NFIB: variants seen among roughly 807,000 people sequenced by gnomAD.
The protein encoded by NFIB is nuclear factor I B, also known as nuclear factor 1 B-type.
A neutral mutation model predicts 61.5 loss-of-function variants in NFIB; 11 were observed. The observed-to-expected ratio is 0.18, with a 90% CI of 0.11 to 0.30. The LOEUF is 0.30. Ranked by LOEUF, NFIB falls within the 10% of genes least tolerant of loss-of-function variation. NFIB has a pLI of 1.00. For synonymous variants in NFIB, 260 were observed against 216.5 expected, an observed-to-expected ratio of 1.20 and a Z score of -1.76; for missense variants, 471 against 608.9, an observed-to-expected ratio of 0.77 and a Z score of 2.38.
the NFIB span, among the ~76,000 whole-genome samples, chr9:14,460,747 G>C: frequency 6.6e-6 from 1 of 152,000 alleles, no homozygotes; most frequent in Non-Finnish European, 1.5e-5. Context: ...ACACAAATTT[G>C]ATAGTGTCTC....
the NFIB span, among the ~76,000 whole-genome samples, chr9:14,451,802 C>A: frequency 6.6e-6 from 1 of 151,914 alleles, no homozygotes; most frequent in East Asian, 1.9e-4. Context: ...GGTCTCAGTT[C>A]TTAATGTTTT....
In NFIB at chr9:14,082,404, T is replaced by C. The variant is rs2032088369; in HGVS notation, c.*5905A>G. 4.9e-6 allele frequency: 1 copy of C among 203,074 alleles called. No individual in the cohort carries two copies. The highest frequency in any genetic ancestry group is 1.0e-5 in the Non-Finnish European group (1 of 98,666). The allele number at this position is 203,074 out of a possible 1,614,324, so 12.6% of individuals were successfully genotyped here. A position where few individuals can be genotyped will look rare whatever the true frequency, so the allele number is the denominator to read the frequency against. On this transcript the variant is annotated 3_prime_UTR_variant, in exon 11 of 11. Coordinates refer to ENST00000380953, the MANE Select transcript of NFIB (RefSeq NM_001190737.2). ...AAAGTTGTTCTCAGAGAAATATCAT[T>C]GAGGTGGGGGCAGCTCTTCCCAGGA... is the stretch of plus-strand genomic sequence containing the variant.
At chr9:14,309,309 G>T (rs1374016093) in intron 1 of NFIB, among the ~76,000 whole-genome samples, 1 of 152,192 alleles carries the variant, frequency 6.6e-6, no homozygotes, top group African/African-American at 2.4e-5. Flanking sequence ...ACTGCAACAT[G>T]TTAGCTGTTT....
At chr9:14,359,127 G>A (rs1047450575) in intron 1 of NFIB, among the ~76,000 whole-genome samples, 3 of 152,178 alleles carry the variant, frequency 2.0e-5, no homozygotes, top group Non-Finnish European at 4.4e-5. Flanking sequence ...ACAAGATCAG[G>A]GTATACCCTT....
At chr9:14,208,930 A>AT (rs1455297850) in intron 2 of NFIB, among the ~76,000 whole-genome samples, 2 of 152,140 alleles carry the variant, frequency 1.3e-5, no homozygotes, top group Non-Finnish European at 2.9e-5. Context: ...CACCCCACCC[A>AT]TAAGGGAAAA....
At position 14,085,186 on chromosome 9, in the gene NFIB, A is replaced by G. The variant is rs902087643; in HGVS notation, c.*3123T>C. 1.3e-5 allele frequency: 3 copies of G among 229,006 alleles called. No individual in the cohort carries two copies. The highest frequency in any genetic ancestry group is 2.6e-5 in the Non-Finnish European group (3 of 115,460). 14.2% of individuals were successfully genotyped at this position (229,006 alleles called of 1,614,324 possible). On this transcript the variant is annotated 3_prime_UTR_variant, in exon 11 of 11. Transcript: ENST00000380953. ...GCTATCAAACTGAATGGGCTAATCA[A>G]ATACAATTCTCCAGCCCATAAGCAT...
the NFIB span, among the ~76,000 whole-genome samples, chr9:14,442,182 C>A: frequency 6.6e-6 from 1 of 152,042 alleles, no homozygotes; most frequent in Non-Finnish European, 1.5e-5. Flanking sequence ...TCACCACCCT[C>A]TCCTAATCAC....
the NFIB span, among the ~76,000 whole-genome samples, chr9:14,505,787 G>T: frequency 6.6e-6 from 1 of 152,142 alleles, no homozygotes; most frequent in Non-Finnish European, 1.5e-5. Flanking sequence ...GTATCAAAGG[G>T]TGGGAATTCT....
chr9:14,233,496 C>T (rs910047034), intron 2 of NFIB, among the ~76,000 whole-genome samples: 5 of 145,968 alleles, frequency 3.4e-5, no homozygotes, highest in Non-Finnish European at 7.4e-5. Context: ...GGTGCGATCT[C>T]GGCTCACTGC....
At chr9:14,366,539 G>A (rs2132958041) in intron 1 of NFIB, among the ~76,000 whole-genome samples, 1 of 151,760 alleles carries the variant, frequency 6.6e-6, no homozygotes, top group East Asian at 1.9e-4. Flanking sequence ...AGGCTGGAGT[G>A]CAGTGACATG....
chr9:14,184,889 G>A (rs1350986095), intron 2 of NFIB, among the ~76,000 whole-genome samples: 3 of 152,052 alleles, frequency 2.0e-5, no homozygotes, highest in Non-Finnish European at 4.4e-5. Flanking sequence ...CAGGTGCGGT[G>A]GCACACACCT....
chr9:14,239,393 G>C (rs765472560), intron 2 of NFIB, among the ~76,000 whole-genome samples: 6 of 152,160 alleles, frequency 3.9e-5, no homozygotes, highest in Non-Finnish European at 7.4e-5. Context: ...ATAAGGTTTA[G>C]AGGTATACTT....
At chr9:14,475,190 C>T in the NFIB span, among the ~76,000 whole-genome samples, 2 of 152,162 alleles carry the variant, frequency 1.3e-5, no homozygotes, top group African/African-American at 4.8e-5. Flanking sequence ...TATTACCATC[C>T]TAATTTTAAA....
intron 4 of NFIB, among the ~76,000 whole-genome samples, chr9:14,150,506 TC>T (rs2042747933): frequency 6.6e-6 from 1 of 152,126 alleles, no homozygotes; most frequent in Non-Finnish European, 1.5e-5. Context: ...ATTTCCCGAA[TC>T]CTATTCCTCA....
chr9:14,168,869 C>G (rs1412335562), intron 3 of NFIB, among the ~76,000 whole-genome samples: 1 of 152,166 alleles, frequency 6.6e-6, no homozygotes, highest in Non-Finnish European at 1.5e-5. Flanking sequence ...TTTCTACATT[C>G]TTTCTCCCAA....
At chr9:14,100,866 C>CA (rs1259800186) in intron 10 of NFIB, among the ~76,000 whole-genome samples, 3 of 152,284 alleles carry the variant, frequency 2.0e-5, no homozygotes, top group Admixed American at 2.0e-4. Context: ...GGTGCATTTA[C>CA]AAACATGAGT....
intron 1 of NFIB, among the ~76,000 whole-genome samples, chr9:14,342,090 T>G (rs1000588083): frequency 6.6e-6 from 1 of 152,194 alleles, no homozygotes; most frequent in Non-Finnish European, 1.5e-5. Context: ...CATGGGGCAA[T>G]TTTTAATATG....
intron 1 of NFIB, among the ~76,000 whole-genome samples, chr9:14,354,613 G>A (rs970839796): frequency 6.6e-6 from 1 of 152,166 alleles, no homozygotes; most frequent in African/African-American, 2.4e-5. Context: ...ACAGTCAGGT[G>A]AATTTTTAAG....
At chr9:14,485,989 G>A in the NFIB span, among the ~76,000 whole-genome samples, 5 of 152,136 alleles carry the variant, frequency 3.3e-5, no homozygotes, top group African/African-American at 1.2e-4. Flanking sequence ...ATAAAATAGT[G>A]CTATAAGTAG....
Sources: allele counts gnomAD v4.1 joint callset (sites outside exome capture counted in the v4.1 genomes callset), GRCh38; gene constraint gnomAD v4.1.1; transcripts MANE v1.5; gene names NCBI Gene and HGNC (gene_info 2026-07-23, HGNC 2026-07-21).